Variants in PRORP observed in about 807,000 individuals in gnomAD.
The protein encoded by PRORP is protein only RNase P catalytic subunit.
In PRORP, 51 loss-of-function variants were observed where a neutral mutation model predicts 59.4. The ratio of observed to expected loss-of-function variants is 0.86; its 90% CI spans 0.69 to 1.08. PRORP has a LOEUF of 1.08. PRORP is among the 50% of genes least tolerant of loss of function. PRORP has a pLI of 0.00. For missense variants in PRORP, 646 were observed against 690.3 expected (o/e 0.94, Z 0.72); for synonymous variants, 231 against 245.6 (o/e 0.94, Z 0.55).
At chr14:35,162,979 C>G (rs767549461) in intron 4 of PRORP, among the ~76,000 whole-genome samples, 8 of 152,088 alleles carry the variant, frequency 5.3e-5, no homozygotes, top group Non-Finnish European at 1.2e-4. Context: ...ACTTTCTGTT[C>G]TGATTCACTA....
chr14:35,210,750 C>CTTTTTTT (rs71435870), intron 5 of PRORP, among the ~76,000 whole-genome samples: 3 of 34,070 alleles, frequency 8.8e-5, no homozygotes, highest in Non-Finnish European at 1.5e-4. Flanking sequence ...TTTCTTTTGC[C>CTTTTTTT]TTTTTTTTTT....
chr14:35,183,702 G>A (rs1242375004), intron 5 of PRORP, among the ~76,000 whole-genome samples: 1 of 152,140 alleles, frequency 6.6e-6, no homozygotes, highest in Admixed American at 6.6e-5. Context: ...ACCACCAAAA[G>A]TGTATAATGG....
At chr14:35,267,807 C>T (rs1459164604) in intron 6 of PRORP, among the ~76,000 whole-genome samples, 2 of 151,644 alleles carry the variant, frequency 1.3e-5, no homozygotes, top group Non-Finnish European at 2.9e-5. Context: ...CAAAGGAGCC[C>T]TGAGGCAGGC....
At chr14:35,210,888 C>T (rs1382210445) in intron 5 of PRORP, among the ~76,000 whole-genome samples, 1 of 149,804 alleles carries the variant, frequency 6.7e-6, no homozygotes, top group Non-Finnish European at 1.5e-5. Context: ...CTCAGCCTCC[C>T]AAGTAGCTGA....
intron 4 of PRORP, among the ~76,000 whole-genome samples, chr14:35,169,978 C>T (rs1360966025): frequency 6.6e-6 from 1 of 152,182 alleles, no homozygotes; most frequent in Non-Finnish European, 1.5e-5. Flanking sequence ...GTCAGCTTTT[C>T]CTTTATCCAC....
intron 2 of PRORP, 174 bp downstream of exon 2, chr14:35,124,405 C>T (rs991374444): frequency 1.8e-5 from 7 of 392,364 alleles, no homozygotes; most frequent in Admixed American, 4.1e-5. Context: ...GTAGCTAAAA[C>T]CACAGGCATG....
intron 5 of PRORP, among the ~76,000 whole-genome samples, chr14:35,200,739 A>G (rs1280708905): frequency 6.6e-6 from 1 of 151,886 alleles, no homozygotes; most frequent in East Asian, 1.9e-4. Context: ...AAATTTATAG[A>G]AAAGTTTCAA....
intron 5 of PRORP, among the ~76,000 whole-genome samples, chr14:35,220,858 G>T (rs1260879340): frequency 6.6e-6 from 1 of 152,152 alleles, no homozygotes; most frequent in East Asian, 1.9e-4. Flanking sequence ...TGTCATCTAA[G>T]ATTATAATCT....
Position 35,123,191 on chromosome 14 carries a change from G to A in PRORP, c.-55G>A. Reference sequence around the variant, plus strand: ...CCCCAATCTCTTTAATTTTGCCATAGAAGAGGGGTTTTTTCAACATCTCTC... The same window carrying A: ...CCCCAATCTCTTTAATTTTGCCATAAAAGAGGGGTTTTTTCAACATCTCTC... On this transcript the variant is annotated 5_prime_UTR_variant, in exon 2 of 8. Transcript: ENST00000534898. The A allele has an allele frequency of 1.9e-6, 3 of 1,543,906 alleles. No homozygotes were observed. The highest frequency in any genetic ancestry group is 2.3e-5 in the East Asian group (1 of 44,196).
chr14:35,155,557 AT>A (rs1324474456), intron 4 of PRORP, among the ~76,000 whole-genome samples: 5 of 81,424 alleles, frequency 6.1e-5, no homozygotes, highest in Non-Finnish European at 1.1e-4. Context: ...CCTGGTGTCT[AT>A]TTAAAAAAAA....
intron 4 of PRORP, among the ~76,000 whole-genome samples, chr14:35,145,610 C>T (rs1408676698): frequency 7.2e-6 from 1 of 139,444 alleles, no homozygotes; most frequent in African/African-American, 2.5e-5. Context: ...GTCCCAGCTA[C>T]TGAGGAGGCT....
rs988882690 is a variant in PRORP, at chr14:35,123,110, G to T, written c.-136G>T. On this transcript the variant is annotated 5_prime_UTR_variant, in exon 2 of 8. Coordinates refer to ENST00000534898, the MANE Select transcript of PRORP (RefSeq NM_014672.4). ...CCAAAAGCAGAACCTTGATTTGTCTGTAAGGAAGAAACACAAACCTTTTAA... is the reference window on the plus strand; with the variant it reads ...CCAAAAGCAGAACCTTGATTTGTCTTTAAGGAAGAAACACAAACCTTTTAA... The T allele has an allele frequency of 3.4e-6, 3 of 886,670 alleles. No individual in the cohort carries two copies. The highest frequency in any genetic ancestry group is 3.3e-5 in the African/African-American group (2 of 59,744). 54.9% of individuals were successfully genotyped at this position (886,670 alleles called of 1,614,324 possible).
At position 35,149,005 on chromosome 14, in the gene PRORP, G is replaced by A. The variant is rs562381580; in HGVS notation, c.1167+21394G>A. On this transcript the variant is annotated intron_variant, in intron 4 of 7. Coordinates refer to ENST00000534898, the MANE Select transcript of PRORP (RefSeq NM_014672.4). ...GCAATCTCGGCTCACTGCAAGCTCC[G>A]CCTCCCAGGTTCACGCCATTCTCCT... 2.7e-3 allele frequency among the ~76,000 whole-genome samples: 351 copies of A among 131,310 alleles called. 1 individual carries two copies. Among genetic ancestry groups the A allele is most frequent in the African/African-American group, 9.1e-3 (314 of 34,646 alleles). The allele number at this position is 131,310 out of a possible 152,430, so 86.1% of individuals were successfully genotyped here.
At chr14:35,236,680 T>G (rs2050222625) in intron 5 of PRORP, among the ~76,000 whole-genome samples, 1 of 152,234 alleles carries the variant, frequency 6.6e-6, no homozygotes, top group East Asian at 1.9e-4. Flanking sequence ...CTCTGACCAT[T>G]CCTTGTTCTC....
intron 7 of PRORP, among the ~76,000 whole-genome samples, chr14:35,272,790 G>A (rs947293711): frequency 1.3e-5 from 2 of 152,172 alleles, no homozygotes; most frequent in Admixed American, 1.3e-4. Flanking sequence ...GTATCCATGA[G>A]GAATTGGTTT....
intron 5 of PRORP, among the ~76,000 whole-genome samples, chr14:35,210,814 G>A (rs1029229210): frequency 1.8e-4 from 21 of 119,694 alleles, no homozygotes; most frequent in Middle Eastern, 6.3e-3. Flanking sequence ...TCCTAGGCTG[G>A]AGTACAGTAG....
intron 5 of PRORP, among the ~76,000 whole-genome samples, chr14:35,216,214 T>G (rs1028267071): frequency 1.3e-5 from 2 of 149,672 alleles, no homozygotes; most frequent in Non-Finnish European, 3.0e-5. Context: ...TTTTCACTCT[T>G]ATTCAACTTC....
upstream of PRORP, chr14:35,121,961 G>T: frequency 6.2e-7 from 1 of 1,614,150 alleles, no homozygotes; most frequent in Non-Finnish European, 8.5e-7. Flanking sequence ...CCAGTCCATG[G>T]CCGACTTCCG....
intron 4 of PRORP, among the ~76,000 whole-genome samples, chr14:35,150,015 G>A (rs999399583): frequency 6.6e-5 from 10 of 152,012 alleles, no homozygotes; most frequent in Admixed American, 2.0e-4. Context: ...TCACCACACC[G>A]GCTAATTTTT....
Sources: gnomAD v4.1 joint callset for allele counts (sites outside exome capture counted in the v4.1 genomes callset) on GRCh38, gnomAD v4.1.1 for gene constraint, MANE v1.5 for transcripts, NCBI Gene and HGNC (gene_info 2026-07-23, HGNC 2026-07-21) for gene names.